The following SYNE2 variants were observed in gnomAD, a reference collection of about 807,000 sequenced individuals.
SYNE2 encodes the protein spectrin repeat containing nuclear envelope protein 2.
A neutral mutation model predicts 856.3 loss-of-function variants in SYNE2; 431 were observed. The observed-to-expected ratio is 0.50, with a 90% CI of 0.47 to 0.55. The LOEUF is 0.55. Ranked by LOEUF, SYNE2 falls within the 20% of genes least tolerant of loss-of-function variation. The pLI, the probability that SYNE2 is intolerant of heterozygous loss-of-function variation, is 0.00. For synonymous variants in SYNE2, 2,923 were observed against 2,872.3 expected (o/e 1.02, Z -0.56); for missense variants, 8,129 against 8,023.2 (o/e 1.01, Z -0.50).
rs371028181 is a variant in SYNE2, at chr14:64,203,111, A to G, written c.18201+148A>G. 1.6e-4 allele frequency: 162 copies of G among 1,011,942 alleles called. 2 individuals carry two copies. Among genetic ancestry groups the G allele is most frequent in the East Asian group, 1.4e-3 (52 of 38,300 alleles). 62.7% of individuals were successfully genotyped at this position (1,011,942 alleles called of 1,614,324 possible). On this transcript the variant is annotated intron_variant, in intron 100 of 115. Coordinates refer to ENST00000555002, the MANE Select transcript of SYNE2 (RefSeq NM_182914.3). The stretch of plus-strand genomic sequence containing the variant: ...TCCAGAGAAAACTGACCACCTTTCC[A>G]TGTTCTTATATCTGTCTCTTGAGTG...
chr14:63,867,902 A>G (rs1269960051), intron 1 of SYNE2, among the ~76,000 whole-genome samples: 17 of 152,000 alleles, frequency 1.1e-4, no homozygotes, highest in Admixed American at 1.1e-3. Context: ...TTGAAAAAAA[A>G]TTGCTTTAAT....
In SYNE2 at chr14:64,221,606, C is replaced by T. The variant is rs748292608; in HGVS notation, c.20092C>T (p.Leu6698=). The T allele has an allele frequency of 8.7e-6, 14 of 1,614,038 alleles. No homozygotes were observed. Residue 6698 remains leucine (L), a synonymous_variant, in exon 112 of 116, where the codon CTG becomes TTG. Transcript: ENST00000555002. ...DFHQLSQNLL[L]WLASAKNRRQ... ...CCACCAGTTGAGTCAAAATCTGCTG[C>T]TGTGGTTAGCGAGTGCCAAGAACCG...
chr14:64,094,546 C>T (rs1174779935), intron 61 of SYNE2, among the ~76,000 whole-genome samples: 2 of 151,908 alleles, frequency 1.3e-5, no homozygotes, highest in Non-Finnish European at 2.9e-5. Flanking sequence ...TTGATACAGG[C>T]AAGCAATTAA....
At chr14:64,104,804 C>A (rs965910129) in intron 64 of SYNE2, among the ~76,000 whole-genome samples, 2 of 152,186 alleles carry the variant, frequency 1.3e-5, no homozygotes, top group African/African-American at 2.4e-5. Context: ...GTGGTCACCT[C>A]TATGCCAGTG....
chr14:63,975,898 G>A (rs2096538577), intron 11 of SYNE2, among the ~76,000 whole-genome samples: 1 of 152,200 alleles, frequency 6.6e-6, no homozygotes, highest in African/African-American at 2.4e-5. Context: ...GTGTGAGTGA[G>A]TTTTGTCAGC....
intron 64 of SYNE2, among the ~76,000 whole-genome samples, chr14:64,107,213 A>G (rs1244159686): frequency 6.6e-6 from 1 of 152,226 alleles, no homozygotes; most frequent in Non-Finnish European, 1.5e-5. Flanking sequence ...AAGACAAAGC[A>G]TACTTCTGGA....
Position 64,216,353 on chromosome 14 carries a change from C to T in SYNE2, c.19508C>T (p.Pro6503Leu), listed in dbSNP as rs2098666449. 6.2e-7 allele frequency: 1 copy of T among 1,614,228 alleles called. No individual in the cohort carries two copies. The highest frequency in any genetic ancestry group is 8.5e-7 in the Non-Finnish European group (1 of 1,180,044). The change falls in exon 108 of 116, where the codon CCC (proline) becomes CTC (leucine). Residue 6503 changes from proline to leucine, a missense_variant. By Grantham distance (98) the Pro-to-Leu change is moderately conservative. Around this residue, in one of 3 missense-constraint regions of SYNE2, gnomAD observed 5,410 missense variants for 5,284.8 expected, o/e 1.02. Transcript: ENST00000555002. ...GGTGACAGGAATGTTCCACCTGTTC[C>T]CCCTGCGTCCAGCACCCCTTATAAA... is the stretch of plus-strand genomic sequence containing the variant. Reference protein sequence around the residue: ...MEGDRNVPPVPPASSTPYKPP... With the variant: ...MEGDRNVPPVLPASSTPYKPP...
At chr14:63,774,806 TGGCTTAAACAACA>T (rs1887051495) in intron 1 of SYNE2, among the ~76,000 whole-genome samples, 1 of 152,212 alleles carries the variant, frequency 6.6e-6, no homozygotes, top group Non-Finnish European at 1.5e-5. Context: ...ATAAATTGCA[TGGCTTAAACAACA>T]GTTTAAGCCA....
At chr14:63,963,852 C>A in intron 9 of SYNE2, 47 bp from the exon 10 acceptor site, 1 of 1,435,008 alleles carries the variant, frequency 7.0e-7, no homozygotes, top group South Asian at 1.2e-5. Context: ...GTTAAAAAAA[C>A]CAAGCCCGTT....
Position 64,167,492 on chromosome 14 carries a change from T to C in SYNE2, c.16761-3T>C. 6.2e-7 allele frequency: 1 copy of C among 1,614,242 alleles called. No homozygotes were observed. Among genetic ancestry groups the C allele is most frequent in the Non-Finnish European group, 8.5e-7 (1 of 1,180,042 alleles). The stretch of plus-strand genomic sequence containing the variant: ...GGGTGTGTTTTGTTTTAAACCTTTG[T>C]AGTGAGCTTCAGGGAATTGGATTGA... On this transcript the variant is annotated splice_region_variant and splice_polypyrimidine_tract_variant and intron_variant, in intron 91 of 115. Transcript: ENST00000555002.
intron 1 of SYNE2, among the ~76,000 whole-genome samples, chr14:63,880,850 A>ATTTT: frequency 7.2e-6 from 1 of 137,994 alleles, no homozygotes; most frequent in East Asian, 2.1e-4. Flanking sequence ...TTTAAAAAAA[A>ATTTT]TTTTTTTTTT....
intron 99 of SYNE2, chr14:64,190,926 G>T: frequency 1.4e-6 from 1 of 701,630 alleles, no homozygotes; most frequent in South Asian, 1.5e-5. Flanking sequence ...ACAAACTCCA[G>T]GTGGATGTTT....
intron 21 of SYNE2, among the ~76,000 whole-genome samples, chr14:63,992,500 C>G (rs1201560888): frequency 6.6e-6 from 1 of 152,156 alleles, no homozygotes; most frequent in Non-Finnish European, 1.5e-5. Flanking sequence ...AGGCTGGTCT[C>G]AAACTCCTGG....
At chr14:63,895,562 G>A (rs2095234947) in intron 1 of SYNE2, among the ~76,000 whole-genome samples, 4 of 148,414 alleles carry the variant, frequency 2.7e-5, no homozygotes, top group Admixed American at 1.3e-4. Flanking sequence ...AGACCAGCCT[G>A]GGCAACATGG....
rs1594650206 is a variant in SYNE2, at chr14:63,982,703, A to G, written c.1910A>G (p.Glu637Gly). ...TLNEAGNFLVEVSNDVVGSSI... is the reference protein window; with the variant it reads ...TLNEAGNFLVGVSNDVVGSSI... ...AATGAAGCAGGAAATTTCTTAGTCGAAGTCAGCAATGATGTGGTTGGATCA... is the reference window on the plus strand; with the variant it reads ...AATGAAGCAGGAAATTTCTTAGTCGGAGTCAGCAATGATGTGGTTGGATCA... The change falls in exon 17 of 116, where the codon GAA becomes GGA. Residue 637 changes from glutamate to glycine, a missense_variant. Glu to Gly is a moderately conservative substitution (Grantham distance 98). This residue lies in a region of SYNE2 where 2,422 missense variants were observed against 2,357.4 expected (regional missense o/e 1.03). Coordinates refer to ENST00000555002, the MANE Select transcript of SYNE2 (RefSeq NM_182914.3). The G allele has an allele frequency of 2.5e-6, 4 of 1,614,088 alleles. No homozygotes were observed. Among genetic ancestry groups the G allele is most frequent in the Non-Finnish European group, 2.5e-6 (3 of 1,179,986 alleles).
At chr14:63,868,673 A>G (rs1462365796) in intron 1 of SYNE2, among the ~76,000 whole-genome samples, 3 of 152,176 alleles carry the variant, frequency 2.0e-5, no homozygotes, top group Non-Finnish European at 4.4e-5. Context: ...AGAGACTGCA[A>G]GAATGGAAAA....
chr14:64,007,954 G>T (rs1219486797), intron 31 of SYNE2, among the ~76,000 whole-genome samples: 2 of 152,068 alleles, frequency 1.3e-5, no homozygotes, highest in Non-Finnish European at 2.9e-5. Flanking sequence ...AGGTTTCAGT[G>T]AACCGAGATA....
At chr14:64,133,917 A>G (rs1274128676) in intron 77 of SYNE2, 152 bp from the exon 78 acceptor site, 2 of 792,020 alleles carry the variant, frequency 2.5e-6, no homozygotes, top group African/African-American at 1.7e-5. Context: ...AGCGCTTACC[A>G]GGGTGGGGTT....
At chr14:64,071,978 A>G (rs879935711) in intron 52 of SYNE2, among the ~76,000 whole-genome samples, 6 of 152,368 alleles carry the variant, frequency 3.9e-5, no homozygotes, top group Non-Finnish European at 5.9e-5. Flanking sequence ...AGATCATGCC[A>G]TTGCACTCCA....
Sources: gnomAD v4.1 joint callset for allele counts (sites outside exome capture counted in the v4.1 genomes callset) on GRCh38, gnomAD v4.1.1 for gene constraint, gnomAD v4.1.1 regional missense constraint, MANE v1.5 for transcripts, NCBI Gene and HGNC (gene_info 2026-07-23, HGNC 2026-07-21) for gene names.